The following SPON2 variants were observed in gnomAD, a reference collection of about 807,000 sequenced individuals.
SPON2 encodes spondin-2.
SPON2 carries 32 observed loss-of-function variants against 29.9 expected under a neutral mutation model. That is an observed-to-expected ratio of 1.07 (90% CI 0.81 to 1.44). SPON2 has a LOEUF of 1.44. Among genes scored for constraint, SPON2 ranks in the 40% most tolerant of loss-of-function variants. The pLI is 0.00. For missense variants in SPON2, 541 were observed against 455.5 expected, an observed-to-expected ratio of 1.19 and a Z score of -1.71; for synonymous variants, 248 against 209.1, an observed-to-expected ratio of 1.19 and a Z score of -1.61.
At chr4:1,190,012 G>A (rs986552266) in intron 1 of SPON2, among the ~76,000 whole-genome samples, 7 of 148,544 alleles carry the variant, frequency 4.7e-5, no homozygotes, top group African/African-American at 1.7e-4. Context: ...AAAAAAGTTG[G>A]TTTTTGAAAA....
intron 5 of SPON2, among the ~76,000 whole-genome samples, chr4:1,169,133 C>T (rs183545719): frequency 8.4e-4 from 128 of 152,004 alleles, no homozygotes; most frequent in Admixed American, 7.7e-3. Flanking sequence ...TGACTTTATC[C>T]CTCTCCTAGC....
In SPON2 at chr4:1,171,834, G is replaced by A. The variant is rs1341526078; in HGVS notation, c.220+18C>T. The A allele has an allele frequency of 6.3e-7, 1 of 1,583,246 alleles. No homozygotes were observed. Among genetic ancestry groups the A allele is most frequent in the Non-Finnish European group, 8.7e-7 (1 of 1,153,040 alleles). On this transcript the variant is annotated intron_variant, in intron 2 of 5. Transcript: ENST00000290902. ...GCCCTCCTGGTGGAGCAGGAGGCGA[G>A]GAGGGGGCTGTACTTACCCAGCAGC... is the stretch of plus-strand genomic sequence containing the variant.
chr4:1,170,754 A>T, intron 4 of SPON2, 178 bp from the exon 5 acceptor site: 4 of 992,468 alleles, frequency 4.0e-6, no homozygotes, highest in Non-Finnish European at 6.2e-6. Flanking sequence ...AACCGAGGCC[A>T]GGAAGGGGCA....
chr4:1,197,301 A>T (rs963350459), upstream of SPON2, among the ~76,000 whole-genome samples: 1 of 152,226 alleles, frequency 6.6e-6, no homozygotes, highest in Non-Finnish European at 1.5e-5. Flanking sequence ...AACCTCAAGG[A>T]ACTAAAAAGT....
At chr4:1,170,623 CT>C in intron 4 of SPON2, 47 bp from the exon 5 acceptor site, 1 of 1,566,226 alleles carries the variant, frequency 6.4e-7, no homozygotes, top group Non-Finnish European at 8.7e-7. Context: ...AGAAGCCCAC[CT>C]TCTGGTATGC....
At chr4:1,199,874 G>A (rs752443779), upstream of SPON2, 4 of 152,302 alleles carry the variant, frequency 2.6e-5, no homozygotes, top group Admixed American at 6.5e-5. This position sits in a 1 kb window ranked among gnomAD's most constrained non-coding sequence, Gnocchi z 4.5. Context: ...ACAATTTGGC[G>A]AGAAAGGTGG....
At chr4:1,178,191 G>A (rs371401004), upstream of SPON2, among the ~76,000 whole-genome samples, 8 of 138,082 alleles carry the variant, frequency 5.8e-5, no homozygotes, top group South Asian at 1.5e-3. Flanking sequence ...TGCACACACC[G>A]AGGGCCTCCC....
intron 1 of SPON2, chr4:1,200,719 T>C (rs1459230231): frequency 2.3e-6 from 1 of 433,104 alleles, no homozygotes; most frequent in Non-Finnish European, 4.7e-6. Flanking sequence ...TGGACATCGC[T>C]GGACGGGGTG....
chr4:1,208,364 G>A (rs568110097), upstream of SPON2: 1 of 152,462 alleles, frequency 6.6e-6, no homozygotes, highest in East Asian at 1.9e-4. Context: ...ACCCCAGAGG[G>A]ACTGTCCCGA....
At chr4:1,184,398 T>G (rs938854811) in intron 1 of SPON2, among the ~76,000 whole-genome samples, 30 of 151,986 alleles carry the variant, frequency 2.0e-4, no homozygotes, top group African/African-American at 7.0e-4. Flanking sequence ...AAGACACAAG[T>G]ACACTGAAAG....
At chr4:1,194,052 T>TC (rs1245251300) in intron 1 of SPON2, among the ~76,000 whole-genome samples, 6 of 151,942 alleles carry the variant, frequency 3.9e-5, no homozygotes, top group African/African-American at 1.5e-4. Flanking sequence ...GTTCCCACCT[T>TC]CCCTGCAGCC....
At position 1,171,323 on chromosome 4, in the gene SPON2, G is replaced by C. The variant is rs576987761; in HGVS notation, c.384C>G (p.Ala128=). 22 of 1,601,884 alleles carry C rather than the reference G, an allele frequency of 1.4e-5. No homozygotes were observed. The highest frequency in any genetic ancestry group is 2.2e-5 in the South Asian group (2 of 90,462). ...ACGTCTGCCCGGTGCCGCTGGGGACGGCGGGCGCCGAAAACACCGCGTGCA... is the reference window on the plus strand; with the variant it reads ...ACGTCTGCCCGGTGCCGCTGGGGACCGCGGGCGCCGAAAACACCGCGTGCA... ...QSVHAVFSAP[A]VPSGTGQTSA... is the part of the protein sequence containing the mutation. Residue 128 remains alanine (A), a synonymous_variant, in exon 3 of 6, where the codon GCC becomes GCG. Coordinates refer to ENST00000290902, the MANE Select transcript of SPON2 (RefSeq NM_012445.4).
intron 1 of SPON2, among the ~76,000 whole-genome samples, chr4:1,192,241 G>A (rs543177215): frequency 5.3e-5 from 8 of 152,120 alleles, no homozygotes; most frequent in Admixed American, 6.5e-5. Context: ...CCCTTTCCTC[G>A]TGACCCACAG....
rs899139768 is a variant in SPON2 at position 1,202,688 on chromosome 4, C to T, written c.-234+5192G>A. On this transcript the variant is annotated intron_variant, in intron 1 of 3. Transcript: ENST00000509233. This position sits in a 1 kb window ranked among gnomAD's most constrained non-coding sequence, Gnocchi z 5.4. Reference sequence around the variant, plus strand: ...GTCTCGGAGGCAGCCCCCACCTCAGCTCCGGTGGGCATAGCCTCGGTGGGG... The same window carrying T: ...GTCTCGGAGGCAGCCCCCACCTCAGTTCCGGTGGGCATAGCCTCGGTGGGG... 2.0e-5 allele frequency among the ~76,000 whole-genome samples: 3 copies of T among 152,134 alleles called. No homozygotes were observed. The highest frequency in any genetic ancestry group is 4.4e-5 in the Non-Finnish European group (3 of 68,022).
At position 1,202,294 on chromosome 4, in the gene SPON2, G is replaced by A. The variant is rs79207115; in HGVS notation, c.-234+5586C>T. 0.051 allele frequency among the ~76,000 whole-genome samples: 7,743 copies of A among 152,238 alleles called. 314 individuals are homozygous for A. The highest frequency in any genetic ancestry group is 0.21 in the East Asian group (1,063 of 5,164). ...TTTCATGGTGGCTTTAGTCACAAGGGCTCTGCCTCGTGAGTGGATCAAACA... is the reference window on the plus strand; with the variant it reads ...TTTCATGGTGGCTTTAGTCACAAGGACTCTGCCTCGTGAGTGGATCAAACA... On this transcript the variant is annotated intron_variant, in intron 1 of 3. Transcript: ENST00000509233. This position sits in a 1 kb window ranked among gnomAD's most constrained non-coding sequence, Gnocchi z 5.4.
chr4:1,181,465 G>C (rs1727698862), intron 1 of SPON2, among the ~76,000 whole-genome samples: 1 of 152,178 alleles, frequency 6.6e-6, no homozygotes, highest in South Asian at 2.1e-4. Context: ...GTGACATGGG[G>C]ACCTAGAAAA....
intron 2 of SPON2, among the ~76,000 whole-genome samples, chr4:1,178,558 G>T (rs998135348): frequency 9.2e-5 from 14 of 152,110 alleles, no homozygotes; most frequent in African/African-American, 3.1e-4. Context: ...CTTTGCACGT[G>T]CAGCTCTCCC....
chr4:1,189,544 C>A (rs1346321130), intron 1 of SPON2, among the ~76,000 whole-genome samples: 1 of 143,956 alleles, frequency 6.9e-6, no homozygotes, highest in African/African-American at 2.6e-5. Flanking sequence ...TCCCAGCTAC[C>A]TGGGAGGCTT....
At chr4:1,195,920 C>A (rs868081560), upstream of SPON2, among the ~76,000 whole-genome samples, 15 of 152,338 alleles carry the variant, frequency 9.8e-5, no homozygotes, top group African/African-American at 3.1e-4. Flanking sequence ...AGGCGTGAGC[C>A]CCACGCCTGG....
Sources: gnomAD v4.1 joint callset for allele counts (sites outside exome capture counted in the v4.1 genomes callset) on GRCh38, gnomAD v4.1.1 for gene constraint, Gnocchi (gnomAD v3.1) non-coding constraint, MANE v1.5 for transcripts, NCBI Gene and HGNC (gene_info 2026-07-23, HGNC 2026-07-21) for gene names.